The following GLI2 variants were observed in gnomAD, a reference collection of about 807,000 sequenced individuals.
GLI2 encodes transcription activator GLI2.
In GLI2, 22 loss-of-function variants were observed where a neutral mutation model predicts 78.9. The ratio of observed to expected loss-of-function variants is 0.28; its 90% CI spans 0.20 to 0.40. The LOEUF (loss-of-function observed/expected upper bound fraction) is 0.40, where lower values mean the gene tolerates loss of function less well. Among genes scored for constraint, GLI2 ranks in the 10% least tolerant of loss-of-function variants. The pLI, the probability that GLI2 is intolerant of heterozygous loss-of-function variation, is 1.00. For missense variants in GLI2, 2,097 were observed against 2,213.2 expected (o/e 0.95, Z 1.05); for synonymous variants, 974 against 963.7 (o/e 1.01, Z -0.20).
intron 3 of GLI2, among the ~76,000 whole-genome samples, chr2:120,933,510 C>A (rs1198391021): frequency 6.6e-6 from 1 of 152,146 alleles, no homozygotes; most frequent in Non-Finnish European, 1.5e-5. Flanking sequence ...AGAAGGCCGG[C>A]TGTGAATAGG....
At chr2:120,980,800 A>T (rs1397350906) in intron 10 of GLI2, among the ~76,000 whole-genome samples, 1 of 152,210 alleles carries the variant, frequency 6.6e-6, no homozygotes, top group African/African-American at 2.4e-5. Flanking sequence ...TGAAAAATTT[A>T]AAAATTAAAA....
At chr2:120,915,628 T>C (rs979847266) in intron 2 of GLI2, among the ~76,000 whole-genome samples, 2 of 152,178 alleles carry the variant, frequency 1.3e-5, no homozygotes, top group Non-Finnish European at 2.9e-5. Context: ...GCCAGTGACT[T>C]CGTCCTCATT....
intron 2 of GLI2, among the ~76,000 whole-genome samples, chr2:120,847,591 C>T (rs1687180508): frequency 1.3e-5 from 2 of 150,480 alleles, no homozygotes; most frequent in Admixed American, 1.3e-4. Flanking sequence ...GGCCTGCCAC[C>T]GCCTAGAACT....
At chr2:120,756,435 CAT>C (rs965203085) in intron 1 of GLI2, among the ~76,000 whole-genome samples, 8 of 152,086 alleles carry the variant, frequency 5.3e-5, no homozygotes, top group African/African-American at 1.7e-4. Context: ...AGATTTTATA[CAT>C]GTGTTTATGT....
At chr2:120,799,912 G>T (rs1291964899) in intron 2 of GLI2, among the ~76,000 whole-genome samples, 2 of 152,170 alleles carry the variant, frequency 1.3e-5, no homozygotes, top group African/African-American at 4.8e-5. Context: ...GGTTGGCGTG[G>T]GTCCCCCTCA....
At chr2:120,886,920 A>G (rs2104735191) in intron 2 of GLI2, among the ~76,000 whole-genome samples, 1 of 152,324 alleles carries the variant, frequency 6.6e-6, no homozygotes, top group South Asian at 2.1e-4. Context: ...CACATCCAAG[A>G]TGCCTGGGGC....
chr2:120,820,582 G>A (rs1685721449), intron 2 of GLI2, among the ~76,000 whole-genome samples: 1 of 152,220 alleles, frequency 6.6e-6, no homozygotes, highest in Non-Finnish European at 1.5e-5. Context: ...CTGTGGATGT[G>A]TGGGCTCCGG....
intron 2 of GLI2, among the ~76,000 whole-genome samples, chr2:120,830,957 C>T (rs1992900): frequency 0.32 from 48,877 of 150,738 alleles, 9,821 homozygotes; most frequent in East Asian, 0.6. Context: ...CCTGGTTTCA[C>T]TCTGCCTCCG....
intron 10 of GLI2, among the ~76,000 whole-genome samples, chr2:120,979,673 A>G (rs1386727880): frequency 6.6e-6 from 1 of 152,212 alleles, no homozygotes; most frequent in Non-Finnish European, 1.5e-5. Context: ...TTGTACAACA[A>G]TCACTACTAG....
In GLI2 at chr2:120,988,631, C is replaced by G. The variant is rs759061834; in HGVS notation, c.2666C>G (p.Pro889Arg). 8 of 1,451,346 alleles carry G rather than the reference C, an allele frequency of 5.5e-6. No individual in the cohort carries two copies. The highest frequency in any genetic ancestry group is 7.2e-6 in the Non-Finnish European group (8 of 1,107,402). 89.9% of individuals were successfully genotyped at this position (1,451,346 alleles called of 1,614,324 possible). ...ATGGPPPTPL[P>R]GLERMSLRTR... ...GGCGGCCCCCCGCCCACTCCGCTGC[C>G]GGGCCTGGAGCGCATGAGCCTGCGG... The change falls in exon 14 of 14, where the codon CCG becomes CGG. Residue 889 changes from proline (P) to arginine (R), a missense_variant. By Grantham distance (103) the Pro-to-Arg change is moderately radical (BLOSUM62 -2). This residue lies in a region of GLI2 where 1,290 missense variants were observed against 1,261.7 expected (regional missense o/e 1.02). Transcript: ENST00000361492.
At chr2:120,855,997 A>T (rs979300275) in intron 2 of GLI2, among the ~76,000 whole-genome samples, 1 of 152,154 alleles carries the variant, frequency 6.6e-6, no homozygotes, top group Non-Finnish European at 1.5e-5. Flanking sequence ...GGGGACCTGG[A>T]TTATCTCGTG....
intron 3 of GLI2, among the ~76,000 whole-genome samples, chr2:120,934,728 C>G (rs987895345): frequency 5.3e-5 from 8 of 152,156 alleles, no homozygotes; most frequent in African/African-American, 1.9e-4. Context: ...TGAAGCCCCA[C>G]TTGGTCCCCG....
At chr2:120,875,530 G>C (rs2104691351) in intron 2 of GLI2, among the ~76,000 whole-genome samples, 1 of 152,364 alleles carries the variant, frequency 6.6e-6, no homozygotes, top group African/African-American at 2.4e-5. Context: ...GACACAGCCT[G>C]TCCTGCAGAC....
chr2:120,773,996 T>TC (rs112125667), intron 1 of GLI2, among the ~76,000 whole-genome samples: 30,363 of 138,784 alleles, frequency 0.22, 3,592 homozygotes, highest in Non-Finnish European at 0.26. Context: ...TCTGGCTTCC[T>TC]CCCCCCTTTC....
chr2:120,827,365 A>G (rs1254222699), intron 2 of GLI2, among the ~76,000 whole-genome samples: 1 of 152,222 alleles, frequency 6.6e-6, no homozygotes. Context: ...GCTACTATTA[A>G]GAAAAACACT....
rs1683230678 is a variant in GLI2 at position 120,990,290 on chromosome 2, G to A, written c.4325G>A (p.Gly1442Asp). Residue 1442 changes from glycine to aspartate, a missense_variant, in exon 14 of 14, where the codon GGC becomes GAC. This residue lies in a region of GLI2 where 1,290 missense variants were observed against 1,261.7 expected (regional missense o/e 1.02). Transcript: ENST00000361492. ...GQIHMYEQDG[G>D]LENLGSCQVM... Reference sequence around the variant, plus strand: ...ATCCACATGTACGAACAGGATGGAGGCCTGGAGAACCTCGGGAGCTGCCAG... The same window carrying A: ...ATCCACATGTACGAACAGGATGGAGACCTGGAGAACCTCGGGAGCTGCCAG... 1 of 1,613,750 alleles carries A rather than the reference G, an allele frequency of 6.2e-7. No homozygotes were observed. Among genetic ancestry groups the A allele is most frequent in the Admixed American group, 1.7e-5 (1 of 60,032 alleles).
intron 1 of GLI2, among the ~76,000 whole-genome samples, chr2:120,740,729 C>T (rs1452851094): frequency 6.6e-6 from 1 of 152,182 alleles, no homozygotes; most frequent in Non-Finnish European, 1.5e-5. Flanking sequence ...ATGTTTTCTT[C>T]TCTACAAATC....
At chr2:120,915,499 G>T (rs1679055123) in intron 2 of GLI2, among the ~76,000 whole-genome samples, 1 of 152,194 alleles carries the variant, frequency 6.6e-6, no homozygotes, top group South Asian at 2.1e-4. Context: ...GAGGGCCTCT[G>T]GAATTCTCCT....
At chr2:120,866,188 TG>T (rs1688124295) in intron 2 of GLI2, among the ~76,000 whole-genome samples, 1 of 151,868 alleles carries the variant, frequency 6.6e-6, no homozygotes. Flanking sequence ...TAGCAGAGGG[TG>T]TTGGGGATAG....
Sources: allele counts gnomAD v4.1 joint callset (sites outside exome capture counted in the v4.1 genomes callset), GRCh38; gene constraint gnomAD v4.1.1; regional missense constraint gnomAD v4.1.1; transcripts MANE v1.5; gene names NCBI Gene and HGNC (gene_info 2026-07-23, HGNC 2026-07-21).